Variants in APAF1 observed in about 807,000 individuals in gnomAD.
The protein encoded by APAF1 is apoptotic protease-activating factor 1.
APAF1 carries 91 observed loss-of-function variants against 152.4 expected under a neutral mutation model. The ratio of observed to expected loss-of-function variants is 0.60; its 90% confidence interval spans 0.50 to 0.71. APAF1 has a LOEUF of 0.71. Among genes scored for constraint, APAF1 ranks in the 30% least tolerant of loss-of-function variants. The pLI is 0.00. For synonymous variants in APAF1, 484 were observed against 494.1 expected (o/e 0.98, Z 0.27); for missense variants, 1,283 against 1,472.0 (o/e 0.87, Z 2.10).
intron 25 of APAF1, among the ~76,000 whole-genome samples, chr12:98,725,924 T>C (rs2097749808): frequency 6.6e-6 from 1 of 152,196 alleles, no homozygotes; most frequent in South Asian, 2.1e-4. Context: ...AAATTCTGCT[T>C]TTTCTGTGCT....
At chr12:98,688,130 A>G (rs1249659843) in intron 16 of APAF1, among the ~76,000 whole-genome samples, 5 of 152,178 alleles carry the variant, frequency 3.3e-5, no homozygotes, top group Admixed American at 3.3e-4. Flanking sequence ...TTAGGGAAAA[A>G]AGCTTATTCA....
intron 22 of APAF1, among the ~76,000 whole-genome samples, chr12:98,719,060 G>A (rs1250502905): frequency 1.3e-5 from 2 of 152,108 alleles, no homozygotes; most frequent in Non-Finnish European, 2.9e-5. Context: ...TATTCCCTGT[G>A]GTTTCTCCTC....
chr12:98,690,177 A>C (rs7966685), intron 16 of APAF1, among the ~76,000 whole-genome samples: 2 of 152,206 alleles, frequency 1.3e-5, no homozygotes, highest in Non-Finnish European at 2.9e-5. Context: ...ACTCTGGTTG[A>C]ATCTTTGATC....
intron 22 of APAF1, among the ~76,000 whole-genome samples, chr12:98,717,547 TG>T (rs1397605220): frequency 6.6e-6 from 1 of 151,970 alleles, no homozygotes; most frequent in Admixed American, 6.6e-5. Context: ...TGCTAATTTT[TG>T]TATATTTAGT....
chr12:98,690,738 T>C (rs2097703251), intron 16 of APAF1, among the ~76,000 whole-genome samples: 1 of 152,242 alleles, frequency 6.6e-6, no homozygotes, highest in South Asian at 2.1e-4. Flanking sequence ...CTAGTGCCTA[T>C]TCTAATCCTT....
chr12:98,665,670 C>A lies in APAF1; in HGVS notation c.1073C>A (p.Ser358Tyr). ...KQFKRIRKSS[S>Y]YDYEALDEAM... is the part of the protein sequence containing the mutation. ...TTTAAGAGAATAAGGAAATCTTCGT[C>A]TTATGATTATGAGGCTCTAGATGAA... is the stretch of plus-strand genomic sequence containing the variant. The change falls in exon 8 of 27, where the codon TCT (serine) becomes TAT (tyrosine). Residue 358 changes from serine (S) to tyrosine (Y), a missense_variant. Transcript: ENST00000551964. 1 of 1,613,866 alleles carries A rather than the reference C, an allele frequency of 6.2e-7. No individual in the cohort carries two copies.
intron 4 of APAF1, among the ~76,000 whole-genome samples, chr12:98,658,883 A>C (rs1010890685): frequency 3.3e-5 from 5 of 152,238 alleles, no homozygotes; most frequent in Admixed American, 6.5e-5. Flanking sequence ...GATCACTGAC[A>C]ACACAGGACA....
chr12:98,664,046 G>A (rs1593036862), intron 7 of APAF1, among the ~76,000 whole-genome samples: 2 of 151,630 alleles, frequency 1.3e-5, no homozygotes, highest in East Asian at 3.9e-4. Flanking sequence ...TTTGAGACGA[G>A]TCTCACTCTG....
rs762349701 is a variant in APAF1 at position 98,735,160 on chromosome 12, G to A, written c.*2594G>A. 7 of 398,668 alleles carry A rather than the reference G, an allele frequency of 1.8e-5. No homozygotes were observed. Among genetic ancestry groups the A allele is most frequent in the Non-Finnish European group, 3.1e-5 (7 of 226,210 alleles). The allele number at this position is 398,668 out of a possible 1,614,324, so 24.7% of individuals were successfully genotyped here. A position where few individuals can be genotyped will look rare whatever the true frequency, so the allele number is the denominator to read the frequency against. On this transcript the variant is annotated 3_prime_UTR_variant, in exon 27 of 27. Transcript: ENST00000551964. ...GTATGATGGAGCTGCAAATTTCATG[G>A]CAGTTCATGCAGTCGGTCAAGAGGA...
chr12:98,649,709 G>C (rs749865792), intron 4 of APAF1, 25 bp downstream of exon 4: 3 of 1,593,204 alleles, frequency 1.9e-6, no homozygotes, highest in Non-Finnish European at 2.6e-6. Flanking sequence ...CCATTTCATA[G>C]TCTAGTAAGG....
chr12:98,699,074 C>T (rs1322624230), intron 16 of APAF1, among the ~76,000 whole-genome samples: 1 of 152,164 alleles, frequency 6.6e-6, no homozygotes, highest in Non-Finnish European at 1.5e-5. Flanking sequence ...GCAGCAGTGG[C>T]AAGTCGTGAG....
At position 98,666,443 on chromosome 12, in the gene APAF1, G is replaced by A. The variant is rs953755238; in HGVS notation, c.1362+86G>A. 50 of 1,340,822 alleles carry A rather than the reference G, an allele frequency of 3.7e-5. 2 individuals are homozygous for A. In the South Asian group the frequency reaches 5.5e-4, roughly 15 times the overall value. 83.1% of individuals were successfully genotyped at this position (1,340,822 alleles called of 1,614,324 possible). ...TTGAAAATTTACAAAATAGTAGATA[G>A]TTTCTGTGCATAAGTCCTTCACCTA... On this transcript the variant is annotated intron_variant, in intron 9 of 26. Transcript: ENST00000551964.
chr12:98,712,403 A>C lies in APAF1; in HGVS notation c.2926A>C (p.Ile976Leu), dbSNP rs1214460415. The change falls in exon 21 of 27, where the codon ATT (isoleucine) becomes CTT (leucine). Residue 976 changes from isoleucine to leucine, a missense_variant. Ile to Leu is a conservative substitution (Grantham distance 5). Transcript: ENST00000551964. Reference sequence around the variant, plus strand: ...TTGCTTAAGTCCACATCTTCAGTACATTGCATTTGGAGATGAAAATGGAGC... The same window carrying C: ...TTGCTTAAGTCCACATCTTCAGTACCTTGCATTTGGAGATGAAAATGGAGC... ...CCCLSPHLQY[I>L]AFGDENGAIE... is the part of the protein sequence containing the mutation. 1.2e-6 allele frequency: 2 copies of C among 1,610,546 alleles called. No homozygotes were observed. The highest frequency in any genetic ancestry group is 1.7e-6 in the Non-Finnish European group (2 of 1,176,792).
In APAF1 at chr12:98,732,455, C is replaced by G; in HGVS notation, c.3636C>G (p.Thr1212=). Residue 1212 remains threonine (T), a synonymous_variant, in exon 27 of 27, where the codon ACC becomes ACG. Transcript: ENST00000551964. ...TTGTCACTGGGGAATCCTCACAGAC[C>G]TTCTACACAAATGGAACCAATCTTA... is the stretch of plus-strand genomic sequence containing the variant. The part of the protein sequence containing the change: ...WNVVTGESSQ[T]FYTNGTNLKK... 6.2e-7 allele frequency: 1 copy of G among 1,612,880 alleles called. No homozygotes were observed. The highest frequency in any genetic ancestry group is 8.5e-7 in the Non-Finnish European group (1 of 1,178,878).
intron 16 of APAF1, among the ~76,000 whole-genome samples, chr12:98,688,126 A>T (rs1593068481): frequency 6.6e-6 from 1 of 152,224 alleles, no homozygotes; most frequent in South Asian, 2.1e-4. Flanking sequence ...AGAGTTAGGG[A>T]AAAAAGCTTA....
At chr12:98,721,587 A>T (rs948563234) in intron 22 of APAF1, among the ~76,000 whole-genome samples, 1 of 152,154 alleles carries the variant, frequency 6.6e-6, no homozygotes, top group Non-Finnish European at 1.5e-5. Flanking sequence ...TTCCCCCAGC[A>T]TATCTCATTG....
intron 16 of APAF1, among the ~76,000 whole-genome samples, chr12:98,690,157 T>C (rs900074823): frequency 6.6e-6 from 1 of 152,234 alleles, no homozygotes. Context: ...TAAACTGTTT[T>C]GATTCTGATA....
chr12:98,686,971 A>G, intron 16 of APAF1, 98 bp downstream of exon 16: 1 of 1,237,980 alleles, frequency 8.1e-7, no homozygotes, highest in Non-Finnish European at 1.2e-6. Flanking sequence ...TTTCTACAGA[A>G]AGAGCCTGCT....
chr12:98,667,671 T>C (rs1292323707), intron 10 of APAF1, 27 bp downstream of exon 10: 1 of 1,610,138 alleles, frequency 6.2e-7, no homozygotes, highest in Admixed American at 1.7e-5. Flanking sequence ...AAAAATTCTT[T>C]TATCTGACTT....
Sources: allele counts gnomAD v4.1 joint callset (sites outside exome capture counted in the v4.1 genomes callset), GRCh38; gene constraint gnomAD v4.1.1; transcripts MANE v1.5; gene names NCBI Gene and HGNC (gene_info 2026-07-23, HGNC 2026-07-21).